CCND3: variants seen among roughly 807,000 people sequenced by gnomAD.
CCND3 encodes G1/S-specific cyclin-D3.
Under a neutral mutation model 28.7 loss-of-function variants are expected in CCND3, and 9 were observed. The observed-to-expected ratio is 0.31, with a 90% confidence interval of 0.19 to 0.55. The LOEUF (loss-of-function observed/expected upper bound fraction) is 0.55, where lower values mean the gene tolerates loss of function less well. Among genes scored for constraint, CCND3 ranks in the 20% least tolerant of loss-of-function variants. The pLI, the probability that CCND3 is intolerant of heterozygous loss-of-function variation, is 0.93. For missense variants in CCND3, 315 were observed against 385.8 expected (o/e 0.82, Z 1.54); for synonymous variants, 164 against 163.9 (o/e 1.00, Z 0.00).
rs775643743 is a variant in CCND3 at position 41,936,062 on chromosome 6, C to G, written c.757G>C (p.Glu253Gln). 1 of 1,611,930 alleles carries G rather than the reference C, an allele frequency of 6.2e-7. No individual in the cohort carries two copies. Among genetic ancestry groups the G allele is most frequent in the Non-Finnish European group, 8.5e-7 (1 of 1,178,850 alleles). ...GTCTGAGAGGCTTCCCTGAGGCTCT[C>G]CCTGAGTGCAGCTTCGATCTGCTCC... ...CQEQIEAALR[E>Q]SLREASQTSS... The change falls in exon 5 of 5, where the codon GAG (glutamate) becomes CAG (glutamine). Residue 253 changes from glutamate to glutamine, a missense_variant. Coordinates refer to ENST00000372991, the MANE Select transcript of CCND3 (RefSeq NM_001760.5). The surrounding 1 kb of genome is among the most constrained non-coding windows in gnomAD (Gnocchi z 4.4).
chr6:42,003,755 A>G (rs1763090981), intron 1 of CCND3, among the ~76,000 whole-genome samples: 2 of 151,590 alleles, frequency 1.3e-5, no homozygotes, highest in African/African-American at 4.8e-5. Context: ...TCTGAGCAAC[A>G]TGGTGAAACC....
At chr6:41,979,165 C>T (rs112557059) in intron 1 of CCND3, among the ~76,000 whole-genome samples, 142 of 58,692 alleles carry the variant, frequency 2.4e-3, no homozygotes, top group African/African-American at 9.3e-3. Context: ...GAGCAAAACT[C>T]TGTCTCAAAA....
chr6:42,019,688 G>C (rs1275008702), intron 1 of CCND3, among the ~76,000 whole-genome samples: 1 of 152,066 alleles, frequency 6.6e-6, no homozygotes, highest in Non-Finnish European at 1.5e-5. Context: ...GATTTTCCCT[G>C]AGGGATAGGA....
At chr6:42,045,178 A>G (rs1410792035) in intron 1 of CCND3, among the ~76,000 whole-genome samples, 1 of 152,132 alleles carries the variant, frequency 6.6e-6, no homozygotes, top group Non-Finnish European at 1.5e-5. Flanking sequence ...TAGCAGCAGC[A>G]TTTAAAAAAA....
At chr6:41,952,463 C>T (rs2127400462) in intron 1 of CCND3, among the ~76,000 whole-genome samples, 1 of 152,250 alleles carries the variant, frequency 6.6e-6, no homozygotes, top group Admixed American at 6.5e-5. Context: ...GTACCTGAGG[C>T]GTGAGGGAGC....
At chr6:42,031,783 C>T (rs1764050942) in intron 1 of CCND3, among the ~76,000 whole-genome samples, 1 of 148,896 alleles carries the variant, frequency 6.7e-6, no homozygotes, top group South Asian at 2.1e-4. Flanking sequence ...ATATAATTTT[C>T]ATGTTACCAC....
intron 1 of CCND3, among the ~76,000 whole-genome samples, chr6:42,007,496 C>T (rs763647841): frequency 7.9e-5 from 12 of 152,042 alleles, no homozygotes; most frequent in Non-Finnish European, 1.8e-4. Flanking sequence ...TGGCAGGAGG[C>T]GGAGCCCAAA....
At chr6:42,005,716 G>A (rs1763157120) in intron 1 of CCND3, among the ~76,000 whole-genome samples, 1 of 151,564 alleles carries the variant, frequency 6.6e-6, no homozygotes, top group African/African-American at 2.4e-5. Context: ...TAAGAGTTTT[G>A]CTCGTTGCCC....
At chr6:41,959,470 G>A (rs559332652) in intron 1 of CCND3, among the ~76,000 whole-genome samples, 1 of 151,670 alleles carries the variant, frequency 6.6e-6, no homozygotes, top group Admixed American at 6.6e-5. Context: ...AGATCACAAG[G>A]TCAGGAGATT....
At chr6:42,045,611 C>T (rs1163832606) in intron 1 of CCND3, among the ~76,000 whole-genome samples, 1 of 152,216 alleles carries the variant, frequency 6.6e-6, no homozygotes, top group Non-Finnish European at 1.5e-5. Context: ...TCAACCTGCA[C>T]GAATCCCAGG....
At chr6:41,954,250 T>TAAAAAAAA (rs34556754) in intron 1 of CCND3, among the ~76,000 whole-genome samples, 412 of 35,122 alleles carry the variant, frequency 0.012, 25 homozygotes, top group Non-Finnish European at 0.015. Context: ...GATTCTGCCT[T>TAAAAAAAA]AAAAAAAAAA....
chr6:41,980,824 C>T (rs1039909843), intron 1 of CCND3, among the ~76,000 whole-genome samples: 3 of 152,060 alleles, frequency 2.0e-5, no homozygotes, highest in East Asian at 1.9e-4. Context: ...CTGATGAAAT[C>T]GAACATCCAT....
At chr6:42,015,340 A>G (rs1046839190) in intron 1 of CCND3, among the ~76,000 whole-genome samples, 5 of 152,116 alleles carry the variant, frequency 3.3e-5, no homozygotes, top group Non-Finnish European at 7.3e-5. Context: ...CTGAATGAGG[A>G]CTATGTGACA....
At chr6:41,992,203 C>T (rs941241688) in intron 1 of CCND3, among the ~76,000 whole-genome samples, 2 of 152,138 alleles carry the variant, frequency 1.3e-5, no homozygotes, top group Non-Finnish European at 2.9e-5. Context: ...CACTCTGTCG[C>T]CCAGGCTGGA....
intron 1 of CCND3, among the ~76,000 whole-genome samples, chr6:41,979,307 G>A (rs917858833): frequency 6.6e-6 from 1 of 152,004 alleles, no homozygotes; most frequent in African/African-American, 2.4e-5. Flanking sequence ...GCCAAGGCGG[G>A]TGGATCACGA....
At chr6:42,025,642 C>G (rs1411350210) in intron 1 of CCND3, among the ~76,000 whole-genome samples, 2 of 152,230 alleles carry the variant, frequency 1.3e-5, no homozygotes, top group Non-Finnish European at 2.9e-5. Context: ...TGCACCCCGG[C>G]CGCCCCACGA....
At chr6:41,957,138 C>G (rs115214675) in intron 1 of CCND3, among the ~76,000 whole-genome samples, 1 of 152,196 alleles carries the variant, frequency 6.6e-6, no homozygotes, top group Non-Finnish European at 1.5e-5. Flanking sequence ...TTTTCAAATC[C>G]TCCGTTGAAA....
intron 1 of CCND3, among the ~76,000 whole-genome samples, chr6:42,041,909 C>A (rs1261803885): frequency 6.6e-6 from 1 of 152,162 alleles, no homozygotes; most frequent in Non-Finnish European, 1.5e-5. Flanking sequence ...CTGTCTGAGG[C>A]CCCTGCTCCG....
At chr6:42,014,773 C>G (rs185280621) in intron 1 of CCND3, among the ~76,000 whole-genome samples, 3 of 152,198 alleles carry the variant, frequency 2.0e-5, no homozygotes, top group African/African-American at 7.2e-5. Context: ...GGGTGACAGA[C>G]TAGAAGGAAA....
Sources: allele counts gnomAD v4.1 joint callset (sites outside exome capture counted in the v4.1 genomes callset), GRCh38; gene constraint gnomAD v4.1.1; non-coding constraint Gnocchi (gnomAD v3.1); transcripts MANE v1.5; gene names NCBI Gene and HGNC (gene_info 2026-07-23, HGNC 2026-07-21).